Variants in SYN2 observed in about 807,000 individuals in gnomAD.
SYN2 encodes synapsin-2.
SYN2 carries 19 observed loss-of-function variants against 50.9 expected under a neutral mutation model. The observed-to-expected ratio is 0.37, with a 90% CI of 0.26 to 0.55. The LOEUF (loss-of-function observed/expected upper bound fraction) is 0.55. Ranked by LOEUF, SYN2 falls within the 20% of genes least tolerant of loss-of-function variation. The pLI is 0.81. For synonymous variants in SYN2, 255 were observed against 224.9 expected (o/e 1.13, Z -1.20); for missense variants, 587 against 576.4 (o/e 1.02, Z -0.19).
At chr3:12,127,731 G>A (rs1423688338) in intron 1 of SYN2, among the ~76,000 whole-genome samples, 1 of 152,204 alleles carries the variant, frequency 6.6e-6, no homozygotes, top group Admixed American at 6.5e-5. Flanking sequence ...TGGTGAGTAG[G>A]CTGATAATGC....
intron 7 of SYN2, among the ~76,000 whole-genome samples, chr3:12,165,009 A>G (rs1341056257): frequency 4.3e-5 from 5 of 117,232 alleles, no homozygotes; most frequent in African/African-American, 1.3e-4. Context: ...TTTTTTTGAG[A>G]CAGAGTCTCG....
At chr3:12,060,964 T>C (rs987749198) in intron 1 of SYN2, among the ~76,000 whole-genome samples, 10 of 152,196 alleles carry the variant, frequency 6.6e-5, no homozygotes, top group African/African-American at 2.2e-4. Flanking sequence ...GTAACTACGA[T>C]TAATATGGTA....
intron 1 of SYN2, among the ~76,000 whole-genome samples, chr3:12,074,538 A>G (rs1280711146): frequency 3.3e-5 from 5 of 152,136 alleles, no homozygotes; most frequent in Non-Finnish European, 7.4e-5. Context: ...ATTCAGTCAA[A>G]TTCTTTATTC....
At chr3:12,116,134 T>G (rs1696429034) in intron 1 of SYN2, among the ~76,000 whole-genome samples, 1 of 152,122 alleles carries the variant, frequency 6.6e-6, no homozygotes, top group Non-Finnish European at 1.5e-5. Context: ...GTGGCCTAGA[T>G]AAATCAAAGT....
At chr3:12,174,974 A>T (rs1004952064) in intron 10 of SYN2, among the ~76,000 whole-genome samples, 2 of 152,166 alleles carry the variant, frequency 1.3e-5, no homozygotes, top group African/African-American at 4.8e-5. Context: ...AGACTTGTTT[A>T]TGGCTATATC....
intron 1 of SYN2, among the ~76,000 whole-genome samples, chr3:12,077,273 A>C (rs1321283264): frequency 6.6e-6 from 1 of 152,114 alleles, no homozygotes; most frequent in East Asian, 1.9e-4. Context: ...ATAGATTTTA[A>C]TCAAACCTTG....
intron 1 of SYN2, among the ~76,000 whole-genome samples, chr3:12,082,928 G>C (rs549919720): frequency 6.6e-6 from 1 of 152,128 alleles, no homozygotes; most frequent in East Asian, 1.9e-4. Context: ...CCTTGAGAGA[G>C]TCCATTGGAT....
At chr3:12,005,147 C>G (rs1693768310) in intron 1 of SYN2, among the ~76,000 whole-genome samples, 1 of 152,140 alleles carries the variant, frequency 6.6e-6, no homozygotes, top group Non-Finnish European at 1.5e-5. Context: ...CTAAAATACC[C>G]CTCAATTGCC....
At chr3:12,005,016 C>A (rs1479964307) in intron 1 of SYN2, 88 bp downstream of exon 1, 1 of 393,816 alleles carries the variant, frequency 2.5e-6, no homozygotes, top group Non-Finnish European at 4.5e-6. Context: ...GCCGAGGAAA[C>A]GTTTCAGACC....
chr3:12,189,849 T>TA (rs1162126688), intron 12 of SYN2, among the ~76,000 whole-genome samples: 1 of 152,068 alleles, frequency 6.6e-6, no homozygotes, highest in Non-Finnish European at 1.5e-5. Context: ...ATTGAAGTGT[T>TA]AGAGTTTTGA....
rs970367068 is a variant in SYN2, at chr3:12,156,702, C to T, written c.775-4844C>T. 6 of 728,110 alleles carry T rather than the reference C, an allele frequency of 8.2e-6. No individual in the cohort carries two copies. The East Asian group carries it at 1.3e-4, about 16-fold the overall frequency. The allele number at this position is 728,110 out of a possible 1,614,324, so 45.1% of individuals were successfully genotyped here. Reference sequence around the variant, plus strand: ...TCACTAACACAGCTCTGTTTTATGCCCAAGAAAATGCCACCTGGCTCAGCC... The same window carrying T: ...TCACTAACACAGCTCTGTTTTATGCTCAAGAAAATGCCACCTGGCTCAGCC... On this transcript the variant is annotated intron_variant, in intron 5 of 12. Coordinates refer to ENST00000621198, the MANE Select transcript of SYN2 (RefSeq NM_133625.6).
At chr3:12,149,283 C>T (rs1330541017) in intron 4 of SYN2, among the ~76,000 whole-genome samples, 3 of 152,146 alleles carry the variant, frequency 2.0e-5, no homozygotes, top group Admixed American at 2.0e-4. Context: ...GCATTAACTC[C>T]CTAGGGATGC....
chr3:12,140,549 T>C (rs1489354220), intron 1 of SYN2, 102 bp from the exon 2 acceptor site: 7 of 713,228 alleles, frequency 9.8e-6, no homozygotes, highest in Non-Finnish European at 1.6e-5. Context: ...TGACCCTCAT[T>C]CTGGAGATCT....
intron 1 of SYN2, among the ~76,000 whole-genome samples, chr3:12,064,305 G>A (rs1054933650): frequency 6.6e-6 from 1 of 152,002 alleles, no homozygotes; most frequent in African/African-American, 2.4e-5. Context: ...GTGGTATCCT[G>A]TATGGGATCC....
intron 1 of SYN2, among the ~76,000 whole-genome samples, chr3:12,120,408 G>T (rs1480527108): frequency 5.9e-5 from 9 of 152,120 alleles, no homozygotes; most frequent in African/African-American, 2.2e-4. Flanking sequence ...AGTCAGGTTG[G>T]CCCCCTCTTG....
chr3:12,078,415 T>A (rs990537514), intron 1 of SYN2, among the ~76,000 whole-genome samples: 1 of 152,250 alleles, frequency 6.6e-6, no homozygotes, highest in Non-Finnish European at 1.5e-5. Context: ...TAAATTTTCT[T>A]CCAGGGATTT....
chr3:12,049,648 C>T (rs1026616370), intron 1 of SYN2, among the ~76,000 whole-genome samples: 2 of 152,292 alleles, frequency 1.3e-5, no homozygotes, highest in Admixed American at 1.3e-4. Flanking sequence ...TATAAAGTGA[C>T]TGGTACATGT....
chr3:12,078,850 G>A (rs571957330), intron 1 of SYN2, among the ~76,000 whole-genome samples: 4 of 152,236 alleles, frequency 2.6e-5, no homozygotes, highest in East Asian at 3.9e-4. Flanking sequence ...GAATGTCAAC[G>A]GTAGTTTAAT....
intron 1 of SYN2, among the ~76,000 whole-genome samples, chr3:12,071,849 T>C (rs1179283411): frequency 2.0e-5 from 3 of 152,244 alleles, no homozygotes; most frequent in Non-Finnish European, 2.9e-5. Flanking sequence ...CCCAGTTTCC[T>C]TTCTTAGCTG....
Sources: allele counts gnomAD v4.1 joint callset (sites outside exome capture counted in the v4.1 genomes callset), GRCh38; gene constraint gnomAD v4.1.1; transcripts MANE v1.5; gene names NCBI Gene and HGNC (gene_info 2026-07-23, HGNC 2026-07-21).